AVEN: variants seen among roughly 807,000 people sequenced by gnomAD.
The protein encoded by AVEN is cell death regulator Aven.
AVEN carries 41 observed loss-of-function variants against 38.1 expected under a neutral mutation model. The ratio of observed to expected loss-of-function variants is 1.08; its 90% CI spans 0.84 to 1.40. The LOEUF (loss-of-function observed/expected upper bound fraction) is 1.40. AVEN is among the 40% of genes most tolerant of loss of function. AVEN has a pLI of 0.00. For synonymous variants in AVEN, 206 were observed against 171.8 expected, an observed-to-expected ratio of 1.20 and a Z score of -1.56; for missense variants, 605 against 438.8, an observed-to-expected ratio of 1.38 and a Z score of -3.38.
At chr15:33,950,789 T>C (rs1385808733) in intron 2 of AVEN, among the ~76,000 whole-genome samples, 9 of 152,198 alleles carry the variant, frequency 5.9e-5, no homozygotes, top group Non-Finnish European at 1.0e-4. Context: ...GAGAACAGCT[T>C]GAAGCCAGCA....
chr15:33,947,144 C>T (rs1343731827), intron 2 of AVEN, among the ~76,000 whole-genome samples: 3 of 152,088 alleles, frequency 2.0e-5, no homozygotes, highest in Non-Finnish European at 2.9e-5. Flanking sequence ...TAGAGGGTGT[C>T]CAAAGTCAAG....
At chr15:33,865,922 C>CA (rs1890371651), downstream of AVEN, 2 of 152,632 alleles carry the variant, frequency 1.3e-5, no homozygotes, top group Non-Finnish European at 2.9e-5. Context: ...TAACAGCTGT[C>CA]AGTCAACTGC....
rs747263167 is a variant in AVEN, at chr15:33,867,456, C to CAGAATCA, written c.973+32_973+38dup. 1.0e-5 allele frequency: 16 copies of CAGAATCA among 1,535,322 alleles called. No individual in the cohort carries two copies. In the East Asian group the frequency reaches 3.4e-4, roughly 32 times the overall value. On this transcript the variant is annotated intron_variant, in intron 5 of 5. Transcript: ENST00000306730. ...GGCGGGGCTGTTCTTGAAAAAACACCAGAATCAAGATTCACGGGGAATAAA... is the reference window on the plus strand; with the variant it reads ...GGCGGGGCTGTTCTTGAAAAAACACCAGAATCAAGAATCAAGATTCACGGGGAATAAA...
At chr15:33,923,732 C>G (rs1324367018) in intron 2 of AVEN, among the ~76,000 whole-genome samples, 1 of 152,012 alleles carries the variant, frequency 6.6e-6, no homozygotes, top group Non-Finnish European at 1.5e-5. Context: ...CCAGGCCACA[C>G]AGCAGGAGGT....
chr15:33,893,793 A>C (rs1248310182), intron 2 of AVEN, among the ~76,000 whole-genome samples: 1 of 152,168 alleles, frequency 6.6e-6, no homozygotes, highest in Non-Finnish European at 1.5e-5. Context: ...CCCTCTGATT[A>C]GCTACTTCTG....
intron 5 of AVEN, among the ~76,000 whole-genome samples, chr15:34,056,085 T>C (rs935021820): frequency 1.3e-5 from 2 of 152,166 alleles, no homozygotes; most frequent in African/African-American, 4.8e-5. Flanking sequence ...CTGAGGGCTG[T>C]TTTCACTACA....
chr15:34,069,114 A>G (rs534631761), intron 2 of AVEN, among the ~76,000 whole-genome samples: 2 of 151,070 alleles, frequency 1.3e-5, no homozygotes, highest in Admixed American at 1.3e-4. Context: ...CCAAGCCCCT[A>G]CAGTCCAATT....
intron 1 of AVEN, among the ~76,000 whole-genome samples, chr15:34,020,718 T>C (rs1898165908): frequency 6.6e-6 from 1 of 152,206 alleles, no homozygotes; most frequent in African/African-American, 2.4e-5. Flanking sequence ...ATTACGACCT[T>C]ACTCTCCTTG....
At chr15:33,906,848 T>C (rs1489462118) in intron 2 of AVEN, among the ~76,000 whole-genome samples, 1 of 152,180 alleles carries the variant, frequency 6.6e-6, no homozygotes, top group Non-Finnish European at 1.5e-5. Context: ...ATACACCTAA[T>C]ACCACTCAAC....
intron 2 of AVEN, among the ~76,000 whole-genome samples, chr15:33,879,193 A>C (rs1891377500): frequency 6.6e-6 from 1 of 151,786 alleles, no homozygotes; most frequent in Non-Finnish European, 1.5e-5. Flanking sequence ...AAAATGTGGC[A>C]CATATACACC....
In AVEN at chr15:33,986,309, C is replaced by T. The variant is rs1896464660; in HGVS notation, c.445+16723G>A. 2.0e-5 allele frequency among the ~76,000 whole-genome samples: 3 copies of T among 151,862 alleles called. 1 individual carries two copies. Among genetic ancestry groups the T allele is most frequent in the South Asian group, 4.2e-4 (2 of 4,748 alleles). On this transcript the variant is annotated intron_variant, in intron 2 of 5. Transcript: ENST00000306730. ...TATTTTTAGTAGAAACGGGGTTTCA[C>T]CATGTTAGCCAGGATGGTCTCGATC...
At chr15:33,859,516 A>G in intron 11 of AVEN, 1 of 1,585,074 alleles carries the variant, frequency 6.3e-7, no homozygotes, top group Non-Finnish European at 8.7e-7. Context: ...TGATCTGAGC[A>G]TCTTGCTAAA....
chr15:34,063,199 T>C lies in AVEN; in HGVS notation n.1360A>G. 2 of 1,614,196 alleles carry C rather than the reference T, an allele frequency of 1.2e-6. No individual in the cohort carries two copies. The highest frequency in any genetic ancestry group is 1.1e-5 in the South Asian group (1 of 91,076). On this transcript the variant is annotated non_coding_transcript_exon_variant, in exon 5 of 12. Transcript: ENST00000675287. The surrounding 1 kb of genome is among the most constrained non-coding windows in gnomAD (Gnocchi z 4.1). Reference sequence around the variant, plus strand: ...TTGGCCTGGCTGATCTCCTTCATCCTCTGGGCCCCAGCAATCCTCTGCTGG... The same window carrying C: ...TTGGCCTGGCTGATCTCCTTCATCCCCTGGGCCCCAGCAATCCTCTGCTGG...
upstream of AVEN, among the ~76,000 whole-genome samples, chr15:34,040,520 A>G (rs973959901): frequency 6.6e-6 from 1 of 152,214 alleles, no homozygotes; most frequent in African/African-American, 2.4e-5. Context: ...ACACTATTCT[A>G]CATACTTCTC....
At chr15:33,870,819 ACCCTC>A (rs1890914891) in intron 4 of AVEN, 111 bp downstream of exon 4, 1 of 658,132 alleles carries the variant, frequency 1.5e-6, no homozygotes, top group Non-Finnish European at 2.4e-6. Context: ...TTGATATGAA[ACCCTC>A]ACTTTTATAA....
chr15:33,941,164 AC>A (rs1397522639), intron 2 of AVEN, among the ~76,000 whole-genome samples: 5 of 152,158 alleles, frequency 3.3e-5, no homozygotes, highest in African/African-American at 9.7e-5. Flanking sequence ...GACTGTTAAC[AC>A]CCTTTCTTCA....
intron 2 of AVEN, among the ~76,000 whole-genome samples, chr15:33,997,508 A>G (rs576099859): frequency 7.2e-5 from 11 of 152,272 alleles, no homozygotes; most frequent in African/African-American, 2.2e-4. Context: ...ATATAAGACT[A>G]TATCATTACC....
intron 2 of AVEN, among the ~76,000 whole-genome samples, chr15:33,942,364 G>A (rs1045093705): frequency 2.6e-5 from 4 of 152,084 alleles, no homozygotes; most frequent in African/African-American, 7.2e-5. Flanking sequence ...AATTCAAGAC[G>A]TCTGTCTACT....
downstream of AVEN, chr15:33,854,660 A>C: frequency 7.0e-7 from 1 of 1,430,360 alleles, no homozygotes; most frequent in Non-Finnish European, 9.5e-7. Flanking sequence ...CTCAGCACCT[A>C]AACCCCCTCT....
Sources: gnomAD v4.1 joint callset for allele counts (sites outside exome capture counted in the v4.1 genomes callset) on GRCh38, gnomAD v4.1.1 for gene constraint, Gnocchi (gnomAD v3.1) non-coding constraint, MANE v1.5 for transcripts, NCBI Gene and HGNC (gene_info 2026-07-23, HGNC 2026-07-21) for gene names.